Variants in TBCK observed in about 807,000 individuals in gnomAD.
The protein encoded by TBCK is TBC domain-containing protein kinase-like protein.
Under a neutral mutation model 113.4 loss-of-function variants are expected in TBCK, and 99 were observed. That is an observed-to-expected ratio of 0.87 (90% confidence interval 0.74 to 1.03). The LOEUF (loss-of-function observed/expected upper bound fraction) is 1.03. Among genes scored for constraint, TBCK ranks in the 50% least tolerant of loss-of-function variants. The pLI, the probability that TBCK is intolerant of heterozygous loss-of-function variation, is 0.00. For missense variants in TBCK, 1,045 were observed against 1,061.3 expected (o/e 0.98, Z 0.21); for synonymous variants, 369 against 370.8 (o/e 1.00, Z 0.05).
chr4:106,102,765 T>G (rs759347165), intron 24 of TBCK, among the ~76,000 whole-genome samples: 2 of 152,184 alleles, frequency 1.3e-5, no homozygotes, highest in Non-Finnish European at 2.9e-5. Flanking sequence ...ACATTATAAA[T>G]AATTTGAACA....
intron 22 of TBCK, among the ~76,000 whole-genome samples, chr4:106,180,574 C>G (rs959989005): frequency 1.3e-5 from 2 of 152,096 alleles, no homozygotes; most frequent in Admixed American, 1.3e-4. Context: ...TGATGTTCCC[C>G]TCTCTGTGTC....
At chr4:106,309,225 C>T (rs1767890765) in intron 1 of TBCK, among the ~76,000 whole-genome samples, 1 of 151,448 alleles carries the variant, frequency 6.6e-6, no homozygotes. Flanking sequence ...AAAGATTATT[C>T]CATTCTCAAT....
At chr4:106,256,317 C>T (rs753808096) in intron 5 of TBCK, among the ~76,000 whole-genome samples, 27 of 152,276 alleles carry the variant, frequency 1.8e-4, no homozygotes, top group South Asian at 4.1e-4. Flanking sequence ...ATTCGTGCCA[C>T]GGAGCGCCTG....
Position 106,233,078 on chromosome 4 carries a change from A to G in TBCK, c.1513-14T>C, listed in dbSNP as rs1759048717. On this transcript the variant is annotated splice_polypyrimidine_tract_variant and intron_variant, in intron 16 of 25. Coordinates refer to ENST00000394708, the MANE Select transcript of TBCK (RefSeq NM_001163435.3). ...ATCCACTTCAATCTGTTAAAATAGC[A>G]AAATAATAAGGTGAAACAGTAATTG... is the stretch of plus-strand genomic sequence containing the variant. The G allele has an allele frequency of 6.2e-7, 1 of 1,605,308 alleles. No homozygotes were observed. The highest frequency in any genetic ancestry group is 1.3e-5 in the African/African-American group (1 of 74,600).
chr4:106,301,244 G>C (rs1579567002), intron 2 of TBCK, among the ~76,000 whole-genome samples: 1 of 151,728 alleles, frequency 6.6e-6, no homozygotes, highest in South Asian at 2.1e-4. Flanking sequence ...TAGAGATACA[G>C]AATAAATTAT....
chr4:106,108,730 T>C lies in TBCK; in HGVS notation c.2411+7473A>G, dbSNP rs572561691. On this transcript the variant is annotated intron_variant, in intron 24 of 25. Coordinates refer to ENST00000394708, the MANE Select transcript of TBCK (RefSeq NM_001163435.3). ...AGGATGCCCTCTCTCACCACTTCTA[T>C]GCAACATACTATTGAAAGTCCTAGT... Among the ~76,000 whole-genome samples, 71 of 152,282 alleles carry C rather than the reference T, an allele frequency of 4.7e-4. 1 individual carries two copies. Among genetic ancestry groups the C allele is most frequent in the Non-Finnish European group, 4.1e-4 (28 of 68,024 alleles).
intron 22 of TBCK, among the ~76,000 whole-genome samples, chr4:106,174,981 G>A (rs962075918): frequency 6.6e-6 from 1 of 151,840 alleles, no homozygotes; most frequent in African/African-American, 2.4e-5. Context: ...ACAAAAATTA[G>A]CCAAATGTGG....
intron 23 of TBCK, among the ~76,000 whole-genome samples, chr4:106,134,229 T>C (rs1404474690): frequency 3.3e-5 from 5 of 152,118 alleles, no homozygotes; most frequent in South Asian, 2.1e-4. Flanking sequence ...ACTGGATTAA[T>C]AGAAACATGC....
intron 15 of TBCK, 84 bp from the exon 16 acceptor site, chr4:106,233,734 T>C: frequency 4.2e-6 from 5 of 1,179,590 alleles, no homozygotes; most frequent in Non-Finnish European, 6.0e-6. Context: ...TTTACAAATA[T>C]CTATCTTTGG....
intron 24 of TBCK, among the ~76,000 whole-genome samples, chr4:106,106,013 C>G (rs1184624780): frequency 6.6e-6 from 1 of 151,746 alleles, no homozygotes; most frequent in African/African-American, 2.4e-5. Context: ...GTATTAACAG[C>G]AGAATAAACC....
chr4:106,247,070 A>C, intron 10 of TBCK, 69 bp downstream of exon 10: 3 of 1,479,214 alleles, frequency 2.0e-6, no homozygotes, highest in Non-Finnish European at 2.7e-6. Flanking sequence ...TTCAAAACTG[A>C]AAGTAGGACA....
chr4:106,127,067 G>A (rs1034393326), intron 23 of TBCK, among the ~76,000 whole-genome samples: 3 of 152,070 alleles, frequency 2.0e-5, no homozygotes, highest in Non-Finnish European at 4.4e-5. Context: ...AATTAGCTGG[G>A]TGTGGTGGCA....
Position 106,233,575 on chromosome 4 carries a change from A to G in TBCK, c.1512+13T>C, listed in dbSNP as rs183520368. 1,011 of 1,607,548 alleles carry G rather than the reference A, an allele frequency of 6.3e-4. 12 individuals carry two copies. In the African/African-American group the frequency reaches 0.013, roughly 20 times the overall value. On this transcript the variant is annotated intron_variant, in intron 16 of 25. Transcript: ENST00000394708. ...GAATTATCTTAGGTTGCTTAAGAAA[A>G]CCTAAATCATACTTGTCTATCTGTA...
chr4:106,221,818 G>A (rs749225019), intron 19 of TBCK, among the ~76,000 whole-genome samples: 1 of 152,140 alleles, frequency 6.6e-6, no homozygotes, highest in Non-Finnish European at 1.5e-5. Flanking sequence ...CCGCTTGAGG[G>A]AGGAAGGTGA....
intron 6 of TBCK, among the ~76,000 whole-genome samples, chr4:106,251,560 G>A (rs1359686123): frequency 1.3e-5 from 2 of 151,478 alleles, no homozygotes; most frequent in Non-Finnish European, 2.9e-5. Flanking sequence ...ACTTTTAATG[G>A]TACTCCATAT....
At chr4:106,221,962 A>G (rs1757742961) in intron 19 of TBCK, among the ~76,000 whole-genome samples, 1 of 152,136 alleles carries the variant, frequency 6.6e-6, no homozygotes, top group Admixed American at 6.5e-5. Flanking sequence ...CCCTGAATCT[A>G]AAAGTTAAAA....
chr4:106,207,258 C>G (rs1271226567), intron 20 of TBCK, among the ~76,000 whole-genome samples: 3 of 152,150 alleles, frequency 2.0e-5, no homozygotes, highest in Non-Finnish European at 2.9e-5. Flanking sequence ...GCTCAGTATT[C>G]AGAGTTCCGT....
chr4:106,298,534 C>T (rs1579558274), intron 2 of TBCK, among the ~76,000 whole-genome samples: 1 of 151,994 alleles, frequency 6.6e-6, no homozygotes, highest in East Asian at 1.9e-4. Flanking sequence ...GGCATGAACC[C>T]GGGAGGCAGA....
At chr4:106,113,837 T>C (rs1578933769) in intron 24 of TBCK, among the ~76,000 whole-genome samples, 1 of 152,162 alleles carries the variant, frequency 6.6e-6, no homozygotes, top group African/African-American at 2.4e-5. Context: ...TGCTACTCTC[T>C]ATTGGGCCCA....
Sources: gnomAD v4.1 joint callset for allele counts (sites outside exome capture counted in the v4.1 genomes callset) on GRCh38, gnomAD v4.1.1 for gene constraint, MANE v1.5 for transcripts, NCBI Gene and HGNC (gene_info 2026-07-23, HGNC 2026-07-21) for gene names.